Variants in CNIH2 observed in about 807,000 individuals in gnomAD.
The protein encoded by CNIH2 is protein cornichon homolog 2.
Under a neutral mutation model 22.9 loss-of-function variants are expected in CNIH2, and 8 were observed. That is an observed-to-expected ratio of 0.35 (90% CI 0.20 to 0.63). The LOEUF (loss-of-function observed/expected upper bound fraction) is 0.63. Among genes scored for constraint, CNIH2 ranks in the 30% least tolerant of loss-of-function variants. CNIH2 has a pLI of 0.72. For missense variants in CNIH2, 105 were observed against 206.2 expected, an observed-to-expected ratio of 0.51 and a Z score of 3.01; for synonymous variants, 74 against 78.2, an observed-to-expected ratio of 0.95 and a Z score of 0.28.
intron 2 of CNIH2, 40 bp downstream of exon 2, chr11:66,282,367 T>C: frequency 1.3e-6 from 2 of 1,585,272 alleles, no homozygotes; most frequent in Non-Finnish European, 1.7e-6. Flanking sequence ...TGTCCGTCCG[T>C]CTGTCTTTCC....
rs777227054 is a variant in CNIH2 at position 66,283,424 on chromosome 11, G to A, written c.455+33G>A. 11 of 1,613,176 alleles carry A rather than the reference G, an allele frequency of 6.8e-6. No homozygotes were observed. The Admixed American group carries it at 1.3e-4, about 20-fold the overall frequency. On this transcript the variant is annotated intron_variant, in intron 5 of 5. Transcript: ENST00000311445. Reference sequence around the variant, plus strand: ...CTTGCCCACAGCAGTCAGAACTCAGGGAAGGGATGTCCCAGCATCACGCTT... The same window carrying A: ...CTTGCCCACAGCAGTCAGAACTCAGAGAAGGGATGTCCCAGCATCACGCTT...
In CNIH2 at chr11:66,280,087, C is replaced by G. The variant is rs976023423; in HGVS notation, c.81+1550C>G. On this transcript the variant is annotated intron_variant, in intron 1 of 5. Coordinates refer to ENST00000311445, the MANE Select transcript of CNIH2 (RefSeq NM_182553.3). The stretch of plus-strand genomic sequence containing the variant: ...GCCTTCCCCACCCAGGGCCTTCCCA[C>G]AGCCCCTGTGGGGTCCCTGTCCTCA... Among the ~76,000 whole-genome samples, 15 of 152,344 alleles carry G rather than the reference C, an allele frequency of 9.8e-5. 1 individual carries two copies. The highest frequency in any genetic ancestry group is 3.4e-4 in the African/African-American group (14 of 41,574).
intron 2 of CNIH2, 96 bp downstream of exon 2, chr11:66,282,423 T>TTAGTGGGGGGGGGGGGG: frequency 6.8e-6 from 1 of 147,070 alleles, no homozygotes. Context: ...GGGGGTGGGG[T>TTAGTGGGGGGGGGGGGG]GGGGGGCCTA....
chr11:66,283,429 G>A lies in CNIH2; in HGVS notation c.455+38G>A, dbSNP rs759771850. On this transcript the variant is annotated intron_variant, in intron 5 of 5. Coordinates refer to ENST00000311445, the MANE Select transcript of CNIH2 (RefSeq NM_182553.3). ...CCACAGCAGTCAGAACTCAGGGAAG[G>A]GATGTCCCAGCATCACGCTTCCAAT... 3 of 1,612,932 alleles carry A rather than the reference G, an allele frequency of 1.9e-6. No homozygotes were observed. The Admixed American group carries it at 5.0e-5, about 27-fold the overall frequency.
chr11:66,283,431 A>T lies in CNIH2; in HGVS notation c.455+40A>T, dbSNP rs996265366. The T allele has an allele frequency of 2.5e-6, 4 of 1,612,638 alleles. No individual in the cohort carries two copies. The African/African-American group carries it at 5.3e-5, about 22-fold the overall frequency. On this transcript the variant is annotated intron_variant, in intron 5 of 5. Coordinates refer to ENST00000311445, the MANE Select transcript of CNIH2 (RefSeq NM_182553.3). ...ACAGCAGTCAGAACTCAGGGAAGGG[A>T]TGTCCCAGCATCACGCTTCCAATCC...
intron 1 of CNIH2, among the ~76,000 whole-genome samples, chr11:66,279,718 C>T (rs116549114): frequency 0.011 from 1,681 of 152,156 alleles, 22 homozygotes; most frequent in African/African-American, 0.038. Flanking sequence ...GTTCCCCCTG[C>T]GCTCCCTTTG....
Position 66,283,748 on chromosome 11 carries a change from AC to A in CNIH2, c.*159del, listed in dbSNP as rs199877182. On this transcript the variant is annotated 3_prime_UTR_variant, in exon 6 of 6. Coordinates refer to ENST00000311445, the MANE Select transcript of CNIH2 (RefSeq NM_182553.3). Reference sequence around the variant, plus strand: ...AACCCCCAAACTGCTGCTGCGGGGAACCCCCCCCACCCCGCCTTCAGAGCCC... The same window carrying A: ...AACCCCCAAACTGCTGCTGCGGGGAACCCCCCCACCCCGCCTTCAGAGCCC... 428 of 746,150 alleles carry A rather than the reference AC, an allele frequency of 5.7e-4. 1 individual carries two copies. In the East Asian group the frequency reaches 6.0e-3, roughly 10 times the overall value. 46.2% of individuals were successfully genotyped at this position (746,150 alleles called of 1,614,324 possible). A position where few individuals can be genotyped will look rare whatever the true frequency, so the allele number is the denominator to read the frequency against.
At position 66,283,582 on chromosome 11, in the gene CNIH2, G is replaced by A. The variant is rs765696656; in HGVS notation, c.468G>A (p.Thr156=). The change falls in exon 6 of 6, where the codon ACG becomes ACA. Residue 156 remains threonine, a synonymous_variant. Transcript: ENST00000311445. ...FFYYLYSMVY[T]LVSF ...CATCTTCCTACAGTATGGTTTATAC[G>A]TTGGTGAGTTTCTAAGGGGGAAGCC... The A allele has an allele frequency of 2.4e-5, 38 of 1,583,968 alleles. No homozygotes were observed. The highest frequency in any genetic ancestry group is 3.3e-4 in the Middle Eastern group (2 of 6,046).
intron 1 of CNIH2, among the ~76,000 whole-genome samples, chr11:66,281,144 C>A (rs1590891420): frequency 6.6e-6 from 1 of 152,164 alleles, no homozygotes; most frequent in African/African-American, 2.4e-5. Context: ...CCTTCCGTCT[C>A]CACTACAACT....
At chr11:66,281,679 G>A (rs946013731) in intron 1 of CNIH2, 8 of 355,868 alleles carry the variant, frequency 2.2e-5, no homozygotes, top group East Asian at 1.5e-4. Context: ...TGCTCGCTGC[G>A]CTGTCACGCC....
In CNIH2 at chr11:66,283,580, A is replaced by G; in HGVS notation, c.466A>G (p.Thr156Ala). 3 of 1,585,796 alleles carry G rather than the reference A, an allele frequency of 1.9e-6. No individual in the cohort carries two copies. The highest frequency in any genetic ancestry group is 2.6e-6 in the Non-Finnish European group (3 of 1,165,060). Residue 156 changes from threonine to alanine, a missense_variant, in exon 6 of 6, where the codon ACG (threonine) becomes GCG (alanine). Thr to Ala is a moderately conservative substitution (Grantham distance 58). Coordinates refer to ENST00000311445, the MANE Select transcript of CNIH2 (RefSeq NM_182553.3). ...CTCATCTTCCTACAGTATGGTTTAT[A>G]CGTTGGTGAGTTTCTAAGGGGGAAG... is the stretch of plus-strand genomic sequence containing the variant. ...FFYYLYSMVY[T>A]LVSF
intron 1 of CNIH2, among the ~76,000 whole-genome samples, chr11:66,280,554 G>A (rs925164532): frequency 1.3e-5 from 2 of 152,194 alleles, no homozygotes; most frequent in African/African-American, 2.4e-5. Context: ...GGCAACCCTG[G>A]CGGTGAGTGA....
intron 2 of CNIH2, 93 bp from the exon 3 acceptor site, chr11:66,282,640 G>A: frequency 1.4e-6 from 2 of 1,448,188 alleles, no homozygotes; most frequent in Admixed American, 1.8e-5. Context: ...AGATCGCTCT[G>A]GCGCCCCCTG....
At chr11:66,282,425 G>GGCCC in intron 2 of CNIH2, 98 bp downstream of exon 2, 1 of 1,040,050 alleles carries the variant, frequency 9.6e-7, no homozygotes, top group South Asian at 1.4e-5. Flanking sequence ...GGGTGGGGTG[G>GGCCC]GGGGCCTACG....
At position 66,283,899 on chromosome 11, in the gene CNIH2, A is replaced by G; in HGVS notation, c.*302A>G. ...CTCCGGCCTTGTCCATTTCGGGGGAAACTTGGGCCCTGCCAAGGGGCAGAG... is the reference window on the plus strand; with the variant it reads ...CTCCGGCCTTGTCCATTTCGGGGGAGACTTGGGCCCTGCCAAGGGGCAGAG... On this transcript the variant is annotated 3_prime_UTR_variant, in exon 6 of 6. Transcript: ENST00000311445. The G allele has an allele frequency of 2.7e-6, 1 of 369,766 alleles. No individual in the cohort carries two copies. 22.9% of individuals were successfully genotyped at this position (369,766 alleles called of 1,614,324 possible).
At chr11:66,282,618 A>G (rs1036149918) in intron 2 of CNIH2, 115 bp from the exon 3 acceptor site, 6 of 1,268,364 alleles carry the variant, frequency 4.7e-6, no homozygotes, top group Non-Finnish European at 1.1e-6. Context: ...GGCCGTGCCG[A>G]CAGTGCCGCA....
intron 2 of CNIH2, 168 bp from the exon 3 acceptor site, chr11:66,282,565 T>A: frequency 1.1e-6 from 1 of 878,610 alleles, no homozygotes; most frequent in Non-Finnish European, 1.8e-6. Flanking sequence ...GTGAAGGCCC[T>A]TCCATGGTGA....
chr11:66,282,906 G>A (rs1857285093), intron 3 of CNIH2, 126 bp downstream of exon 3: 1 of 1,380,468 alleles, frequency 7.2e-7, no homozygotes, highest in Non-Finnish European at 1.0e-6. Flanking sequence ...GGAGTGGGAA[G>A]CCAGAGGCCT....
chr11:66,278,543 G>A lies in CNIH2; in HGVS notation c.81+6G>A, dbSNP rs758398059. On this transcript the variant is annotated splice_donor_region_variant and intron_variant, in intron 1 of 5. Coordinates refer to ENST00000311445, the MANE Select transcript of CNIH2 (RefSeq NM_182553.3). ...TCTTCTTTGTCATCTGGCACGTAAG[G>A]CCGGGCTGGGGCTGGGGCTGGGGGC... 44 of 1,487,998 alleles carry A rather than the reference G, an allele frequency of 3.0e-5. No homozygotes were observed. The highest frequency in any genetic ancestry group is 3.8e-5 in the Non-Finnish European group (42 of 1,117,884). The allele number at this position is 1,487,998 out of a possible 1,614,324, so 92.2% of individuals were successfully genotyped here. A position where few individuals can be genotyped will look rare whatever the true frequency, so the allele number is the denominator to read the frequency against.
Sources: allele counts gnomAD v4.1 joint callset (sites outside exome capture counted in the v4.1 genomes callset), GRCh38; gene constraint gnomAD v4.1.1; transcripts MANE v1.5; gene names NCBI Gene and HGNC (gene_info 2026-07-23, HGNC 2026-07-21).